Variants in TOX2 observed in about 807,000 individuals in gnomAD.
The protein encoded by TOX2 is granulosa cell HMG box 1.
TOX2 carries 15 observed loss-of-function variants against 47.4 expected under a neutral mutation model. The observed-to-expected ratio is 0.32, with a 90% CI of 0.21 to 0.49. TOX2 has a LOEUF of 0.49. Ranked by LOEUF, TOX2 falls within the 20% of genes least tolerant of loss-of-function variation. The pLI is 0.99. For missense variants in TOX2, 622 were observed against 673.1 expected (o/e 0.92, Z 0.84); for synonymous variants, 290 against 296.6 (o/e 0.98, Z 0.23).
intron 3 of TOX2, among the ~76,000 whole-genome samples, chr20:44,035,516 T>G (rs1187102927): frequency 6.6e-6 from 1 of 151,716 alleles, no homozygotes; most frequent in African/African-American, 2.4e-5. Flanking sequence ...TTACTCCTGT[T>G]CCCCCACGAC....
chr20:43,920,627 T>G (rs1051337045), intron 1 of TOX2, among the ~76,000 whole-genome samples: 1 of 152,156 alleles, frequency 6.6e-6, no homozygotes, highest in African/African-American at 2.4e-5. Context: ...GACCCCAGGA[T>G]GTTTGCATGG....
chr20:43,998,733 A>G (rs56261628), intron 2 of TOX2, among the ~76,000 whole-genome samples: 63,075 of 148,136 alleles, frequency 0.43, 13,540 homozygotes, highest in East Asian at 0.5. Context: ...CTATCTATCT[A>G]TCTATCTATC....
At chr20:44,009,530 T>C (rs2070745445) in intron 3 of TOX2, among the ~76,000 whole-genome samples, 1 of 152,204 alleles carries the variant, frequency 6.6e-6, no homozygotes, top group African/African-American at 2.4e-5. Flanking sequence ...CACACTGCCA[T>C]GTCTGGAATG....
chr20:43,932,229 A>G (rs546014221), intron 1 of TOX2, among the ~76,000 whole-genome samples: 1 of 152,292 alleles, frequency 6.6e-6, no homozygotes, highest in South Asian at 2.1e-4. Context: ...GAAAGTGCCC[A>G]TTTTATCCTG....
intron 5 of TOX2, among the ~76,000 whole-genome samples, chr20:44,057,060 T>C (rs1002877723): frequency 1.3e-5 from 2 of 152,180 alleles, no homozygotes; most frequent in African/African-American, 4.8e-5. Flanking sequence ...AGGCGTGCCA[T>C]GCATCACCAT....
intron 2 of TOX2, among the ~76,000 whole-genome samples, chr20:43,977,494 G>T (rs899897285): frequency 6.6e-6 from 1 of 152,188 alleles, no homozygotes; most frequent in Non-Finnish European, 1.5e-5. Flanking sequence ...AGAAACCGCA[G>T]CTGAGACAGA....
intron 2 of TOX2, among the ~76,000 whole-genome samples, chr20:43,978,233 G>A (rs756901915): frequency 1.3e-5 from 2 of 152,136 alleles, no homozygotes; most frequent in Admixed American, 1.3e-4. Flanking sequence ...TCTAGAAACC[G>A]ATATCCTTAT....
chr20:43,935,291 C>T (rs1237592576), intron 1 of TOX2, among the ~76,000 whole-genome samples: 1 of 152,178 alleles, frequency 6.6e-6, no homozygotes. Context: ...GCCATCTTCC[C>T]TGTAAGCCTC....
intron 1 of TOX2, among the ~76,000 whole-genome samples, chr20:43,947,158 T>C (rs2069488048): frequency 6.6e-6 from 1 of 152,194 alleles, no homozygotes. Flanking sequence ...GCACCTACTG[T>C]ATACTGGGGT....
chr20:43,987,790 G>A (rs369319434), intron 2 of TOX2, among the ~76,000 whole-genome samples: 9 of 152,138 alleles, frequency 5.9e-5, no homozygotes, highest in Non-Finnish European at 1.3e-4. Flanking sequence ...CTCTGGCTGT[G>A]GCTTGCCCCA....
intron 1 of TOX2, among the ~76,000 whole-genome samples, chr20:43,941,392 G>A (rs1006386037): frequency 1.5e-4 from 23 of 151,250 alleles, no homozygotes; most frequent in African/African-American, 5.1e-4. Context: ...GAGTACAATG[G>A]CGCGATCTCG....
chr20:44,065,481 T>C (rs900767143), intron 6 of TOX2, among the ~76,000 whole-genome samples: 4 of 152,190 alleles, frequency 2.6e-5, no homozygotes, highest in African/African-American at 7.2e-5. Context: ...CTGAGGAGCA[T>C]GGATTCCCCC....
At chr20:44,050,683 C>T (rs963829426) in intron 3 of TOX2, among the ~76,000 whole-genome samples, 3 of 152,158 alleles carry the variant, frequency 2.0e-5, no homozygotes, top group African/African-American at 7.2e-5. Flanking sequence ...GAAAAGTACT[C>T]AACTTTATCA....
intron 2 of TOX2, among the ~76,000 whole-genome samples, chr20:43,990,990 G>T (rs1231768365): frequency 6.6e-6 from 1 of 152,128 alleles, no homozygotes; most frequent in Non-Finnish European, 1.5e-5. Context: ...CATCATTTTT[G>T]CTGCTTTTAA....
chr20:44,027,480 T>C (rs975176217), intron 3 of TOX2, among the ~76,000 whole-genome samples: 4 of 152,332 alleles, frequency 2.6e-5, no homozygotes, highest in African/African-American at 9.6e-5. Context: ...CGCCATAGCC[T>C]GTGCAGCTGC....
At chr20:44,051,609 G>A (rs2145753371) in intron 4 of TOX2, 64 bp downstream of exon 4, 1 of 1,516,632 alleles carries the variant, frequency 6.6e-7, no homozygotes, top group Non-Finnish European at 8.8e-7. Context: ...GGGTCCTGTG[G>A]GGAAATGGGC....
intron 2 of TOX2, among the ~76,000 whole-genome samples, chr20:43,991,605 G>A (rs930925415): frequency 1.4e-5 from 2 of 145,154 alleles, no homozygotes; most frequent in African/African-American, 5.1e-5. Flanking sequence ...GAAGGGGACA[G>A]GCAATAATCA....
intron 2 of TOX2, among the ~76,000 whole-genome samples, chr20:43,997,384 G>A (rs1050795578): frequency 1.3e-5 from 2 of 151,836 alleles, no homozygotes; most frequent in Non-Finnish European, 2.9e-5. Context: ...GAAACCAAAG[G>A]GTCAAGCAGA....
intron 1 of TOX2, among the ~76,000 whole-genome samples, chr20:43,941,773 C>T (rs1322134240): frequency 3.9e-5 from 6 of 152,178 alleles, no homozygotes; most frequent in Non-Finnish European, 8.8e-5. Flanking sequence ...CTGTGGGTTC[C>T]TCCTTGCCCT....
Sources: gnomAD v4.1 joint callset for allele counts (sites outside exome capture counted in the v4.1 genomes callset) on GRCh38, gnomAD v4.1.1 for gene constraint, MANE v1.5 for transcripts, NCBI Gene and HGNC (gene_info 2026-07-23, HGNC 2026-07-21) for gene names.